TLE4: variants seen among roughly 807,000 people sequenced by gnomAD.
The protein encoded by TLE4 is TLE family member 4, transcriptional corepressor.
TLE4 carries 8 observed loss-of-function variants against 92.8 expected under a neutral mutation model. That is an observed-to-expected ratio of 0.09 (90% CI 0.05 to 0.16). The LOEUF (loss-of-function observed/expected upper bound fraction) is 0.16. TLE4 is among the 10% of genes least tolerant of loss of function. The pLI, the probability that TLE4 is intolerant of heterozygous loss-of-function variation, is 1.00. For missense variants in TLE4, 675 were observed against 997.6 expected, an observed-to-expected ratio of 0.68 and a Z score of 4.36; for synonymous variants, 371 against 374.1, an observed-to-expected ratio of 0.99 and a Z score of 0.10.
Position 79,725,223 on chromosome 9 carries a change from C to A in TLE4, c.*79C>A. 1 of 1,014,372 alleles carries A rather than the reference C, an allele frequency of 9.9e-7. No individual in the cohort carries two copies. Among genetic ancestry groups the A allele is most frequent in the Non-Finnish European group, 1.5e-6 (1 of 661,422 alleles). 62.8% of individuals were successfully genotyped at this position (1,014,372 alleles called of 1,614,324 possible). A position where few individuals can be genotyped will look rare whatever the true frequency, so the allele number is the denominator to read the frequency against. ...CATCCTTTTTGTTCACCCCCATCCC[C>A]GCATCTAAAACCAAGGATTTCAGAT... On this transcript the variant is annotated 3_prime_UTR_variant, in exon 20 of 20. Coordinates refer to ENST00000376552, the MANE Select transcript of TLE4 (RefSeq NM_007005.6).
intron 8 of TLE4, among the ~76,000 whole-genome samples, chr9:79,700,946 G>A (rs1292315587): frequency 1.3e-5 from 2 of 152,288 alleles, no homozygotes; most frequent in East Asian, 1.9e-4. Context: ...TGCAGCTTCA[G>A]TAAGTTTCTT....
chr9:79,621,158 T>C (rs1318890814), intron 5 of TLE4, among the ~76,000 whole-genome samples: 2 of 152,214 alleles, frequency 1.3e-5, no homozygotes, highest in African/African-American at 4.8e-5. Flanking sequence ...TAAGTTGATT[T>C]GTACTAGCAA....
At chr9:79,638,833 C>T (rs987681098) in intron 6 of TLE4, among the ~76,000 whole-genome samples, 7 of 152,100 alleles carry the variant, frequency 4.6e-5, no homozygotes, top group Admixed American at 2.0e-4. Context: ...GGGTTTCTTT[C>T]AGCTAATAGC....
intron 4 of TLE4, 74 bp downstream of exon 4, chr9:79,576,251 G>T (rs1215775661): frequency 8.3e-7 from 1 of 1,198,156 alleles, no homozygotes; most frequent in Admixed American, 2.2e-5. Flanking sequence ...TGTATGTTTT[G>T]CAGTTTTATT....
At chr9:79,572,887 C>A in intron 1 of TLE4, 52 bp downstream of exon 1, 1 of 1,553,922 alleles carries the variant, frequency 6.4e-7, no homozygotes, top group South Asian at 1.1e-5. Context: ...GGATTCCCCG[C>A]GTCGCCCCCT....
chr9:79,709,869 A>AG (rs1219056428), intron 14 of TLE4, among the ~76,000 whole-genome samples, 170 bp downstream of exon 14: 2 of 152,240 alleles, frequency 1.3e-5, no homozygotes, highest in African/African-American at 4.8e-5. Context: ...GAAGTAATGA[A>AG]GTGGGGTTTT....
intron 8 of TLE4, among the ~76,000 whole-genome samples, chr9:79,700,841 T>TAC (rs894110221): frequency 2.6e-5 from 4 of 151,944 alleles, no homozygotes; most frequent in African/African-American, 4.8e-5. Context: ...TTTGCTGAGA[T>TAC]ACACACACAC....
chr9:79,684,178 C>T (rs1056248272), intron 8 of TLE4, among the ~76,000 whole-genome samples: 2 of 152,148 alleles, frequency 1.3e-5, no homozygotes, highest in Non-Finnish European at 2.9e-5. Flanking sequence ...GGTATGAAAT[C>T]GAAAGCATTT....
At chr9:79,577,282 G>T (rs1447466596) in intron 4 of TLE4, among the ~76,000 whole-genome samples, 2 of 152,162 alleles carry the variant, frequency 1.3e-5, no homozygotes, top group African/African-American at 4.8e-5. Flanking sequence ...GAACATCCCA[G>T]ATAGTAGATC....
intron 5 of TLE4, among the ~76,000 whole-genome samples, chr9:79,621,941 A>G (rs1268505126): frequency 6.6e-6 from 1 of 152,136 alleles, no homozygotes; most frequent in African/African-American, 2.4e-5. Context: ...CAGCCCTCTA[A>G]CTGTTTACCC....
intron 6 of TLE4, among the ~76,000 whole-genome samples, chr9:79,630,764 A>G (rs1029968228): frequency 1.8e-4 from 28 of 152,316 alleles, no homozygotes; most frequent in African/African-American, 6.3e-4. Flanking sequence ...TAAATCTATT[A>G]CACTATATAA....
intron 4 of TLE4, among the ~76,000 whole-genome samples, chr9:79,610,952 G>A (rs1191554213): frequency 6.6e-6 from 1 of 151,792 alleles, no homozygotes; most frequent in Non-Finnish European, 1.5e-5. Flanking sequence ...ACATAATGAC[G>A]AAAATATGCT....
chr9:79,678,613 T>C (rs914923024), intron 8 of TLE4, among the ~76,000 whole-genome samples: 5 of 102,216 alleles, frequency 4.9e-5, no homozygotes, highest in African/African-American at 1.3e-4. Flanking sequence ...TTTATTATTG[T>C]TTTTCTTTTT....
chr9:79,659,669 CAAT>C (rs1445820429), intron 8 of TLE4, among the ~76,000 whole-genome samples: 1 of 152,076 alleles, frequency 6.6e-6, no homozygotes, highest in Non-Finnish European at 1.5e-5. Flanking sequence ...TCCTCTTATA[CAAT>C]TCCACAAAGC....
intron 6 of TLE4, among the ~76,000 whole-genome samples, chr9:79,648,535 A>G (rs762371500): frequency 2.1e-4 from 32 of 152,154 alleles, no homozygotes; most frequent in Non-Finnish European, 2.9e-5. Context: ...GTTGTTCTAA[A>G]AGGTGCAGAA....
intron 8 of TLE4, among the ~76,000 whole-genome samples, chr9:79,683,707 T>A (rs955602585): frequency 1.3e-5 from 2 of 152,222 alleles, no homozygotes; most frequent in African/African-American, 4.8e-5. Context: ...ATTAGGAGAT[T>A]AGTAAAAATC....
chr9:79,679,180 C>T (rs1171674865), intron 8 of TLE4, among the ~76,000 whole-genome samples: 3 of 151,998 alleles, frequency 2.0e-5, no homozygotes, highest in African/African-American at 7.2e-5. Context: ...AGTTCTAGAT[C>T]CCTGAGGAAT....
chr9:79,656,817 G>T (rs1308683791), intron 8 of TLE4, among the ~76,000 whole-genome samples: 2 of 152,172 alleles, frequency 1.3e-5, no homozygotes, highest in Admixed American at 6.5e-5. Flanking sequence ...TTACTGTAAA[G>T]ATTTAAGTAA....
intron 8 of TLE4, among the ~76,000 whole-genome samples, 156 bp downstream of exon 8, chr9:79,654,231 T>G (rs957653159): frequency 4.5e-5 from 5 of 110,052 alleles, no homozygotes; most frequent in Non-Finnish European, 8.7e-5. Context: ...GTGTGGTTGA[T>G]TTTTTTTTTT....
Sources: gnomAD v4.1 joint callset for allele counts (sites outside exome capture counted in the v4.1 genomes callset) on GRCh38, gnomAD v4.1.1 for gene constraint, MANE v1.5 for transcripts, NCBI Gene and HGNC (gene_info 2026-07-23, HGNC 2026-07-21) for gene names.